The following ZMIZ1 variants were observed in gnomAD, a reference collection of about 807,000 sequenced individuals.
ZMIZ1 encodes the protein zinc finger MIZ-type containing 1, also known as zinc finger MIZ domain-containing protein 1.
ZMIZ1 carries 17 observed loss-of-function variants against 113.9 expected under a neutral mutation model. The observed-to-expected ratio is 0.15, with a 90% CI of 0.10 to 0.22. ZMIZ1 has a LOEUF of 0.22. ZMIZ1 is among the 10% of genes least tolerant of loss of function. The pLI is 1.00. For missense variants in ZMIZ1, 1,059 were observed against 1,477.8 expected, an observed-to-expected ratio of 0.72 and a Z score of 4.65; for synonymous variants, 607 against 603.1, an observed-to-expected ratio of 1.01 and a Z score of -0.09.
At chr10:79,207,153 C>T (rs924798347) in intron 5 of ZMIZ1, among the ~76,000 whole-genome samples, 5 of 152,208 alleles carry the variant, frequency 3.3e-5, no homozygotes, top group African/African-American at 1.2e-4. Flanking sequence ...TAGGCCCCTC[C>T]CTGCCCTGGC....
At chr10:79,148,202 G>A (rs1398170353) in intron 3 of ZMIZ1, among the ~76,000 whole-genome samples, 1 of 152,172 alleles carries the variant, frequency 6.6e-6, no homozygotes, top group African/African-American at 2.4e-5. Context: ...CTCCACAAAA[G>A]ATACATCCCT....
chr10:79,101,448 C>T (rs973721119), intron 1 of ZMIZ1, among the ~76,000 whole-genome samples: 1 of 152,168 alleles, frequency 6.6e-6, no homozygotes, highest in African/African-American at 2.4e-5. Context: ...GACTTTGTTC[C>T]TGTCTAGGGG....
At chr10:79,310,865 A>C (rs962155200) in intron 23 of ZMIZ1, 59 bp from the exon 24 acceptor site, 1 of 1,548,346 alleles carries the variant, frequency 6.5e-7, no homozygotes. Flanking sequence ...TTCTCCAGGC[A>C]TCATCGCCGT....
intron 2 of ZMIZ1, among the ~76,000 whole-genome samples, chr10:79,124,210 C>T (rs1047104072): frequency 1.3e-5 from 2 of 152,172 alleles, no homozygotes; most frequent in Non-Finnish European, 2.9e-5. Context: ...AAGTTGCTGC[C>T]CCTCTCTGAG....
Position 79,293,522 on chromosome 10 carries a change from A to G in ZMIZ1, c.1099A>G (p.Met367Val). ...GGGGATGAGCGGCCCTCCCATGGGC[A>G]TGAACCAGCCCCGGCCGCCCGGCAT... The part of the protein sequence containing the change: ...PSGMSGPPMG[M>V]NQPRPPGISP... The change falls in exon 12 of 25, where the codon ATG becomes GTG. Residue 367 changes from methionine (M) to valine (V), a missense_variant. By Grantham distance (21) the Met-to-Val change is conservative. Transcript: ENST00000334512. 1 of 1,609,362 alleles carries G rather than the reference A, an allele frequency of 6.2e-7. No homozygotes were observed. Among genetic ancestry groups the G allele is most frequent in the Non-Finnish European group, 8.5e-7 (1 of 1,177,426 alleles).
intron 1 of ZMIZ1, among the ~76,000 whole-genome samples, chr10:79,113,057 G>T (rs1843815420): frequency 1.3e-5 from 2 of 152,226 alleles, no homozygotes; most frequent in Admixed American, 1.3e-4. Context: ...AGCATGCAGA[G>T]CTTGCCCTGT....
Position 79,149,443 on chromosome 10 carries a change from T to C in ZMIZ1, c.-131+9666T>C, listed in dbSNP as rs368080101. 7.2e-5 allele frequency among the ~76,000 whole-genome samples: 11 copies of C among 152,224 alleles called. 1 individual carries two copies. The East Asian group carries it at 9.6e-4, about 13-fold the overall frequency. ...GCTGCCAACCTCTGCACTCCCACCATACCCCCAACCTGTGGACAGGTGAGC... is the reference window on the plus strand; with the variant it reads ...GCTGCCAACCTCTGCACTCCCACCACACCCCCAACCTGTGGACAGGTGAGC... On this transcript the variant is annotated intron_variant, in intron 3 of 24. Transcript: ENST00000334512.
intron 1 of ZMIZ1, among the ~76,000 whole-genome samples, chr10:79,079,856 C>G (rs1842599937): frequency 6.6e-6 from 1 of 152,246 alleles, no homozygotes; most frequent in Admixed American, 6.5e-5. Flanking sequence ...GTTGCCTCCT[C>G]TGGGTCAGGA....
chr10:79,140,858 C>T (rs1217255511), intron 3 of ZMIZ1, among the ~76,000 whole-genome samples: 1 of 152,180 alleles, frequency 6.6e-6, no homozygotes, highest in Non-Finnish European at 1.5e-5. Flanking sequence ...ACATGATTCA[C>T]TGCAGCCTCG....
chr10:79,293,308 T>A, intron 11 of ZMIZ1, 73 bp from the exon 12 acceptor site: 609 of 1,074,262 alleles, frequency 5.7e-4, no homozygotes, highest in Non-Finnish European at 7.0e-4. Context: ...CTTCCCTCCC[T>A]GCACTTTCAA....
At chr10:79,171,068 A>G (rs745945543) in intron 4 of ZMIZ1, among the ~76,000 whole-genome samples, 1 of 152,198 alleles carries the variant, frequency 6.6e-6, no homozygotes, top group Non-Finnish European at 1.5e-5. Flanking sequence ...CACCCCAGCC[A>G]GGGCAGCCCC....
At chr10:79,110,300 G>A (rs936827631) in intron 1 of ZMIZ1, among the ~76,000 whole-genome samples, 2 of 152,204 alleles carry the variant, frequency 1.3e-5, no homozygotes, top group African/African-American at 4.8e-5. Flanking sequence ...TCAAATCAGC[G>A]GTATTTGTTA....
intron 3 of ZMIZ1, among the ~76,000 whole-genome samples, chr10:79,152,359 G>A (rs953193948): frequency 6.6e-6 from 1 of 152,198 alleles, no homozygotes; most frequent in Non-Finnish European, 1.5e-5. Flanking sequence ...AATTAGCTGG[G>A]TGTGGTGGTG....
In ZMIZ1 at chr10:79,173,127, G is replaced by A. The variant is rs542239603; in HGVS notation, c.-50+10994G>A. Among the ~76,000 whole-genome samples, 77 of 152,264 alleles carry A rather than the reference G, an allele frequency of 5.1e-4. 1 individual carries two copies. The highest frequency in any genetic ancestry group is 1.0e-3 in the South Asian group (5 of 4,820). On this transcript the variant is annotated intron_variant, in intron 4 of 24. Coordinates refer to ENST00000334512, the MANE Select transcript of ZMIZ1 (RefSeq NM_020338.4). ...TGGGCTGCTCAGGGCCTGCTTGGCT[G>A]TATCAGGGAGGGCTCTGGGCTGAGG...
In ZMIZ1 at chr10:79,306,906, C is replaced by G. The variant is rs11002916; in HGVS notation, c.2669-499C>G. Among the ~76,000 whole-genome samples the G allele has an allele frequency of 6.1e-3, 928 of 152,342 alleles. 7 individuals carry two copies. Among genetic ancestry groups the G allele is most frequent in the Non-Finnish European group, 9.4e-3 (641 of 68,022 alleles). On this transcript the variant is annotated intron_variant, in intron 22 of 24. Transcript: ENST00000334512. The stretch of plus-strand genomic sequence containing the variant: ...TGTGCCAAGGGCCAAGCCTCCCAGT[C>G]TGCTGATCCTCTGACCCTTGCCATC...
chr10:79,271,781 C>T (rs1851963345), intron 7 of ZMIZ1, among the ~76,000 whole-genome samples: 2 of 152,158 alleles, frequency 1.3e-5, no homozygotes, highest in African/African-American at 2.4e-5. Context: ...TGCAGGGTGT[C>T]TTGTGGGGCT....
At chr10:79,088,575 C>T (rs759694875) in intron 1 of ZMIZ1, among the ~76,000 whole-genome samples, 7 of 152,162 alleles carry the variant, frequency 4.6e-5, no homozygotes, top group Non-Finnish European at 1.0e-4. Flanking sequence ...ACATGGGAAC[C>T]TTCACCAACC....
intron 7 of ZMIZ1, among the ~76,000 whole-genome samples, chr10:79,251,913 A>G (rs1004949892): frequency 2.0e-5 from 3 of 152,148 alleles, no homozygotes; most frequent in South Asian, 2.1e-4. Context: ...TACTAGAACC[A>G]TGGCAGCCTT....
chr10:79,207,056 G>A (rs772631709), intron 5 of ZMIZ1, among the ~76,000 whole-genome samples: 1 of 152,244 alleles, frequency 6.6e-6, no homozygotes, highest in African/African-American at 2.4e-5. Flanking sequence ...GAGCTGAGGG[G>A]ACCATCCTAC....
Sources: allele counts gnomAD v4.1 joint callset (sites outside exome capture counted in the v4.1 genomes callset), GRCh38; gene constraint gnomAD v4.1.1; transcripts MANE v1.5; gene names NCBI Gene and HGNC (gene_info 2026-07-23, HGNC 2026-07-21).